The following MAD1L1 variants were observed in gnomAD, a reference collection of about 807,000 sequenced individuals.
The protein encoded by MAD1L1 is mitotic spindle assembly checkpoint protein MAD1.
A neutral mutation model predicts 96.9 loss-of-function variants in MAD1L1; 95 were observed. That is an observed-to-expected ratio of 0.98 (90% confidence interval 0.83 to 1.16). The LOEUF (loss-of-function observed/expected upper bound fraction) is 1.16. Ranked by LOEUF, MAD1L1 falls within the 50% of genes most tolerant of loss-of-function variation. The pLI, the probability that MAD1L1 is intolerant of heterozygous loss-of-function variation, is 0.00. For synonymous variants in MAD1L1, 473 were observed against 396.6 expected (o/e 1.19, Z -2.29); for missense variants, 1,007 against 954.4 (o/e 1.06, Z -0.73).
At chr7:2,151,435 C>T (rs1789566079) in intron 10 of MAD1L1, among the ~76,000 whole-genome samples, 1 of 152,178 alleles carries the variant, frequency 6.6e-6, no homozygotes, top group Non-Finnish European at 1.5e-5. Context: ...CAGCAGGAGG[C>T]CAGTGGAGAG....
chr7:2,003,895 G>C (rs774337430), intron 13 of MAD1L1, among the ~76,000 whole-genome samples: 2 of 152,208 alleles, frequency 1.3e-5, no homozygotes, highest in African/African-American at 2.4e-5. Context: ...CTGAACCCTG[G>C]ATAATCCGGC....
At chr7:1,895,333 G>A (rs1413663770) in intron 18 of MAD1L1, among the ~76,000 whole-genome samples, 1 of 152,188 alleles carries the variant, frequency 6.6e-6, no homozygotes, top group Non-Finnish European at 1.5e-5. Flanking sequence ...CTGCTTTACA[G>A]ATGAGGCAGA....
At chr7:2,127,035 AG>A (rs1157510362) in intron 11 of MAD1L1, among the ~76,000 whole-genome samples, 2 of 152,232 alleles carry the variant, frequency 1.3e-5, no homozygotes, top group Non-Finnish European at 2.9e-5. Flanking sequence ...CCTCGTTCCC[AG>A]GGAAGAACAG....
Position 2,224,346 on chromosome 7 carries a change from TACTGTCCCTCCTAGGACCCACCCA to T in MAD1L1, c.291+1040_291+1063del, listed in dbSNP as rs1793768681. On this transcript the variant is annotated intron_variant, in intron 4 of 18. Coordinates refer to ENST00000265854, the MANE Select transcript of MAD1L1 (RefSeq NM_001013836.2). ...CTCCCCTTCCCACCAATTCCTCCAG[TACTGTCCCTCCTAGGACCCACCCA>T]GGCCATGAGCAAACGCCCCACCTCT... is the stretch of plus-strand genomic sequence containing the variant. 2.0e-5 allele frequency among the ~76,000 whole-genome samples: 3 copies of T among 152,196 alleles called. No individual in the cohort carries two copies. In the South Asian group the frequency reaches 6.2e-4, roughly 32 times the overall value.
chr7:2,077,099 C>T (rs1024403478), intron 11 of MAD1L1, among the ~76,000 whole-genome samples: 3 of 137,586 alleles, frequency 2.2e-5, no homozygotes, highest in South Asian at 4.4e-4. Flanking sequence ...GGTGAGCCCG[C>T]GGCATGGTGA....
At chr7:1,880,408 C>A (rs1050294453) in intron 18 of MAD1L1, among the ~76,000 whole-genome samples, 9 of 152,128 alleles carry the variant, frequency 5.9e-5, no homozygotes, top group African/African-American at 2.2e-4. Context: ...GACCTCCCTG[C>A]AGAGCCCAAA....
At chr7:2,198,280 G>T (rs1208119210) in intron 10 of MAD1L1, among the ~76,000 whole-genome samples, 1 of 152,114 alleles carries the variant, frequency 6.6e-6, no homozygotes, top group Non-Finnish European at 1.5e-5. Flanking sequence ...GCCAGGAAGA[G>T]CCAGCAGGAG....
intron 13 of MAD1L1, among the ~76,000 whole-genome samples, chr7:2,002,946 C>T (rs922487955): frequency 1.1e-3 from 8 of 7,024 alleles, no homozygotes; most frequent in Non-Finnish European, 2.3e-3. Flanking sequence ...CCCACGACCC[C>T]GCTTGGCTCC....
At chr7:1,828,333 C>A (rs948406460) in intron 18 of MAD1L1, among the ~76,000 whole-genome samples, 2 of 152,088 alleles carry the variant, frequency 1.3e-5, no homozygotes, top group African/African-American at 4.8e-5. Flanking sequence ...AGTTGAGGGA[C>A]AGGGCTGGAG....
chr7:1,879,921 G>C (rs953414967), intron 18 of MAD1L1, among the ~76,000 whole-genome samples: 1 of 152,130 alleles, frequency 6.6e-6, no homozygotes, highest in East Asian at 1.9e-4. Context: ...TAGCAGAGAC[G>C]GGATTTCACT....
intron 18 of MAD1L1, among the ~76,000 whole-genome samples, chr7:1,893,297 G>A (rs562526157): frequency 2.6e-3 from 290 of 110,644 alleles, no homozygotes; most frequent in Non-Finnish European, 4.5e-3. Flanking sequence ...TCCTGGCTGG[G>A]ATGGGAAGCA....
intron 18 of MAD1L1, among the ~76,000 whole-genome samples, chr7:1,885,245 C>G (rs1195352893): frequency 2.0e-5 from 3 of 152,136 alleles, no homozygotes; most frequent in Non-Finnish European, 4.4e-5. Flanking sequence ...TCTCAGGAAC[C>G]ACTCCCTGCC....
At chr7:2,169,144 G>A (rs1456356828) in intron 10 of MAD1L1, among the ~76,000 whole-genome samples, 1 of 152,194 alleles carries the variant, frequency 6.6e-6, no homozygotes, top group Non-Finnish European at 1.5e-5. Context: ...CCTCCTGTGT[G>A]GCAGAAAGGA....
At chr7:2,040,259 T>A (rs1369016697) in intron 12 of MAD1L1, among the ~76,000 whole-genome samples, 1 of 152,080 alleles carries the variant, frequency 6.6e-6, no homozygotes. Context: ...AGACACTGGA[T>A]TAGTTTTGAA....
intron 10 of MAD1L1, among the ~76,000 whole-genome samples, chr7:2,211,108 C>G (rs1456810965): frequency 6.6e-6 from 1 of 152,188 alleles, no homozygotes; most frequent in East Asian, 1.9e-4. Context: ...GGGCGCCACA[C>G]ATGCATGCCA....
intron 18 of MAD1L1, among the ~76,000 whole-genome samples, chr7:1,820,819 C>T (rs58802890): frequency 0.34 from 51,057 of 151,806 alleles, 9,415 homozygotes; most frequent in Non-Finnish European, 0.42. Context: ...AAAGGGGGAA[C>T]GCCTGTAATC....
Position 2,014,684 on chromosome 7 carries a change from G to A in MAD1L1, c.1219-42C>T, listed in dbSNP as rs544017305. 1.6e-4 allele frequency: 249 copies of A among 1,527,288 alleles called. 1 individual carries two copies. The African/African-American group carries it at 2.9e-3, about 18-fold the overall frequency. 94.6% of individuals were successfully genotyped at this position (1,527,288 alleles called of 1,614,324 possible). On this transcript the variant is annotated intron_variant, in intron 12 of 18. Transcript: ENST00000265854. ...CAGCTGATCAGGACCCGGGACGGGGGATGAGGTAATGATGGAGACGGCTCA... is the reference window on the plus strand; with the variant it reads ...CAGCTGATCAGGACCCGGGACGGGGAATGAGGTAATGATGGAGACGGCTCA...
At chr7:2,062,259 A>C (rs1316832100) in intron 12 of MAD1L1, among the ~76,000 whole-genome samples, 1 of 24,630 alleles carries the variant, frequency 4.1e-5, no homozygotes, top group East Asian at 3.0e-3. Context: ...AGCAACGACA[A>C]AAAAAAAAAA....
rs35067993 is a variant in MAD1L1, at chr7:2,193,936, A to ATTTTTTT, written c.986+19269_986+19275dup. On this transcript the variant is annotated intron_variant, in intron 10 of 18. Transcript: ENST00000265854. ...GAAAAGGCAGCAAGGCTCTGCATGG[A>ATTTTTTT]TTTTTTTTTTTTTTTTTTTTTTTTT... 3.9e-3 allele frequency among the ~76,000 whole-genome samples: 319 copies of ATTTTTTT among 82,786 alleles called. 13 individuals carry two copies. Among genetic ancestry groups the ATTTTTTT allele is most frequent in the African/African-American group, 0.011 (239 of 21,348 alleles). 54.3% of individuals were successfully genotyped at this position (82,786 alleles called of 152,430 possible).
Sources: gnomAD v4.1 joint callset for allele counts (sites outside exome capture counted in the v4.1 genomes callset) on GRCh38, gnomAD v4.1.1 for gene constraint, MANE v1.5 for transcripts, NCBI Gene and HGNC (gene_info 2026-07-23, HGNC 2026-07-21) for gene names.